DMD: variants seen among roughly 807,000 people sequenced by gnomAD.
DMD encodes the protein mutant dystrophin.
A neutral mutation model predicts 330.1 loss-of-function variants in DMD; 63 were observed. That is an observed-to-expected ratio of 0.19 (90% CI 0.16 to 0.24). DMD has a LOEUF of 0.24. Ranked by LOEUF, DMD falls within the 10% of genes least tolerant of loss-of-function variation. DMD has a pLI of 1.00. For missense variants in DMD, 3,344 were observed against 2,684.1 expected, an observed-to-expected ratio of 1.25 and a Z score of -5.43; for synonymous variants, 1,223 against 959.8, an observed-to-expected ratio of 1.27 and a Z score of -5.07.
At chrX:33,304,175 G>C (rs968222602) in intron 1 of DMD, among the ~76,000 whole-genome samples, 4 of 111,207 alleles carry the variant, frequency 3.6e-5, no homozygotes, top group Admixed American at 9.6e-5. Context: ...ATACTACAAG[G>C]CTACAGTAAC....
At chrX:31,610,826 C>T (rs1232849932) in intron 55 of DMD, among the ~76,000 whole-genome samples, 3 of 111,302 alleles carry the variant, frequency 2.7e-5, no homozygotes, top group Non-Finnish European at 5.7e-5. Flanking sequence ...GTGATCATGG[C>T]TCTGATGGAG....
At chrX:32,087,137 C>T (rs1196064312) in intron 44 of DMD, among the ~76,000 whole-genome samples, 1 of 111,583 alleles carries the variant, frequency 9.0e-6, no homozygotes, top group East Asian at 2.8e-4. Flanking sequence ...TCAAAATTTT[C>T]GAGCATGAAA....
intron 2 of DMD, among the ~76,000 whole-genome samples, chrX:32,985,602 T>A (rs974104894): frequency 9.0e-6 from 1 of 111,632 alleles, no homozygotes; most frequent in African/African-American, 3.3e-5. Flanking sequence ...TTTGGGAAGA[T>A]GTCAGGAATT....
rs1458071788 is a variant in DMD at position 32,465,594 on chromosome X, T to TG, written c.3163-896_3163-895insC. ...TTGTTTGTTTTTTGTTTTTTTTTTT[T>TG]TTTTTTTTTGAGATGGAGTCTTGCT... On this transcript the variant is annotated intron_variant, in intron 23 of 78. Coordinates refer to ENST00000357033, the MANE Select transcript of DMD (RefSeq NM_004006.3). Among the ~76,000 whole-genome samples, 428 of 97,800 alleles carry TG rather than the reference T, an allele frequency of 4.4e-3. 4 individuals carry two copies. Among genetic ancestry groups the TG allele is most frequent in the South Asian group, 0.026 (51 of 1,962 alleles). 84.9% of individuals were successfully genotyped at this position (97,800 alleles called of 115,157 possible).
chrX:33,117,002 G>C (rs765979021), intron 1 of DMD, among the ~76,000 whole-genome samples: 2 of 110,180 alleles, frequency 1.8e-5, no homozygotes, highest in East Asian at 5.7e-4. Flanking sequence ...GAAAGCCTTG[G>C]AACTTTCGGC....
chrX:31,210,392 T>A (rs142677688), intron 64 of DMD, among the ~76,000 whole-genome samples: 1,443 of 112,205 alleles, frequency 0.013, 11 homozygotes, highest in Non-Finnish European at 0.019. Flanking sequence ...AACAACTTTA[T>A]AAGGCTGAGG....
intron 30 of DMD, among the ~76,000 whole-genome samples, chrX:32,405,253 C>T (rs1603632720): frequency 9.0e-6 from 1 of 111,663 alleles, no homozygotes; most frequent in South Asian, 3.7e-4. Context: ...GTTACTTAGA[C>T]TGTTGCTATA....
chrX:31,122,558 AAAT>A (rs910883024), intron 78 of DMD, among the ~76,000 whole-genome samples: 3 of 111,370 alleles, frequency 2.7e-5, no homozygotes, highest in Admixed American at 9.6e-5. Flanking sequence ...TTGGGTTGAA[AAAT>A]AATAATAATA....
At chrX:32,651,589 G>A (rs186935814) in intron 9 of DMD, among the ~76,000 whole-genome samples, 1 of 111,608 alleles carries the variant, frequency 9.0e-6, no homozygotes, top group Admixed American at 9.5e-5. Context: ...AATAATGCAC[G>A]CAAGTCACAG....
chrX:32,612,666 C>T lies in DMD; in HGVS notation c.1482+1637G>A, dbSNP rs145031335. 1.4e-3 allele frequency among the ~76,000 whole-genome samples: 152 copies of T among 111,240 alleles called. 2 individuals are homozygous for T. The East Asian group carries it at 0.034, about 25-fold the overall frequency. On this transcript the variant is annotated intron_variant, in intron 12 of 78. Coordinates refer to ENST00000357033, the MANE Select transcript of DMD (RefSeq NM_004006.3). Reference sequence around the variant, plus strand: ...AATGTGCCACATCGGAAAAGCGGTACGGTTAGAGAACTAGCACTGTACCTA... The same window carrying T: ...AATGTGCCACATCGGAAAAGCGGTATGGTTAGAGAACTAGCACTGTACCTA...
At chrX:32,782,762 A>C (rs964302150) in intron 7 of DMD, among the ~76,000 whole-genome samples, 1 of 110,023 alleles carries the variant, frequency 9.1e-6, no homozygotes, top group African/African-American at 3.3e-5. Context: ...GAGTGTAATT[A>C]GTTTATAACT....
At chrX:32,240,844 A>C (rs993551996) in intron 43 of DMD, among the ~76,000 whole-genome samples, 1 of 111,487 alleles carries the variant, frequency 9.0e-6, no homozygotes, top group African/African-American at 3.3e-5. Flanking sequence ...GTAGTGTCTA[A>C]TTAACTACCC....
At chrX:31,767,856 T>TAAC (rs1181344311) in intron 51 of DMD, among the ~76,000 whole-genome samples, 2 of 112,004 alleles carry the variant, frequency 1.8e-5, no homozygotes, top group African/African-American at 3.2e-5. Context: ...ACTTTGACCT[T>TAAC]AACAACAACA....
chrX:31,511,111 T>A (rs913754396), intron 55 of DMD, among the ~76,000 whole-genome samples: 3 of 110,688 alleles, frequency 2.7e-5, no homozygotes, highest in African/African-American at 9.8e-5. Flanking sequence ...AAGGTAAGTA[T>A]TGGGAAAGAA....
At position 32,346,070 on chromosome X, in the gene DMD, T is replaced by C. The variant is rs1800271; in HGVS notation, c.5459A>G (p.Asn1820Ser). The C allele has an allele frequency of 2.9e-5, 35 of 1,207,915 alleles. No individual in the cohort carries two copies. Among genetic ancestry groups the C allele is most frequent in the Non-Finnish European group, 3.7e-5 (33 of 893,908 alleles). The change falls in exon 39 of 79, where the codon AAT becomes AGT. Residue 1820 changes from asparagine to serine, a missense_variant. By Grantham distance (46) the Asn-to-Ser change is conservative. Transcript: ENST00000357033. The stretch of plus-strand genomic sequence containing the variant: ...CAACAATTCTTTTACAGTACCCTCA[T>C]TGTCTTCATTCTGATCAAAAACAAC... ...EDFNKDMNEDNEGTVKELLQR... is the reference protein window; with the variant it reads ...EDFNKDMNEDSEGTVKELLQR...
At chrX:32,687,946 T>C (rs1365158781) in intron 9 of DMD, among the ~76,000 whole-genome samples, 1 of 111,098 alleles carries the variant, frequency 9.0e-6, no homozygotes, top group South Asian at 3.8e-4. Flanking sequence ...CATAAAGACT[T>C]GATTTGTAAA....
intron 52 of DMD, among the ~76,000 whole-genome samples, chrX:31,696,699 T>A (rs1259002696): frequency 8.9e-6 from 1 of 112,373 alleles, no homozygotes; most frequent in African/African-American, 3.2e-5. Context: ...TCATCTTTTT[T>A]AAAAAAGGTG....
rs1002981135 is a variant in DMD, at chrX:31,855,606, G to A, written c.7099-18787C>T. Among the ~76,000 whole-genome samples, 4 of 111,472 alleles carry A rather than the reference G, an allele frequency of 3.6e-5. No individual in the cohort carries two copies. The East Asian group carries it at 1.1e-3, about 31-fold the overall frequency. ...CTTTAAATAAAATTAAAGATGTTTT[G>A]TTTTTACTATTAGGTTCTGTACCAA... On this transcript the variant is annotated intron_variant, in intron 48 of 78. Coordinates refer to ENST00000357033, the MANE Select transcript of DMD (RefSeq NM_004006.3).
At chrX:32,865,713 T>C (rs2082426352) in intron 2 of DMD, among the ~76,000 whole-genome samples, 1 of 112,723 alleles carries the variant, frequency 8.9e-6, no homozygotes. Flanking sequence ...CATTTTTTAA[T>C]TCATATTTTG....
Sources: allele counts gnomAD v4.1 joint callset (sites outside exome capture counted in the v4.1 genomes callset), GRCh38; gene constraint gnomAD v4.1.1; transcripts MANE v1.5; gene names NCBI Gene and HGNC (gene_info 2026-07-23, HGNC 2026-07-21).